The following ASB6 variants were observed in gnomAD, a reference collection of about 807,000 sequenced individuals.
ASB6 encodes the protein ankyrin repeat and SOCS box containing 6.
Under a neutral mutation model 28.6 loss-of-function variants are expected in ASB6, and 24 were observed. The observed-to-expected ratio is 0.84, with a 90% CI of 0.61 to 1.18. ASB6 has a LOEUF of 1.18. Ranked by LOEUF, ASB6 falls within the 50% of genes most tolerant of loss-of-function variation. The pLI is 0.00. For synonymous variants in ASB6, 267 were observed against 243.4 expected (o/e 1.10, Z -0.90); for missense variants, 519 against 559.8 (o/e 0.93, Z 0.74).
rs1040807067 is a variant in ASB6, at chr9:129,636,910, G to A, written c.*880C>T. 6 of 152,174 alleles carry A rather than the reference G, an allele frequency of 3.9e-5. No homozygotes were observed. The highest frequency in any genetic ancestry group is 1.4e-4 in the African/African-American group (6 of 41,416). The allele number at this position is 152,174 out of a possible 1,614,324, so 9.4% of individuals were successfully genotyped here. ...GACCTTGTTAAGGCCAAGAAAGTCA[G>A]TTTAATCTTATAATATAAATATATC... On this transcript the variant is annotated 3_prime_UTR_variant, in exon 6 of 6. Coordinates refer to ENST00000277458, the MANE Select transcript of ASB6 (RefSeq NM_017873.4).
At position 129,640,647 on chromosome 9, in the gene ASB6, G is replaced by A; in HGVS notation, c.189C>T (p.Pro63=). The A allele has an allele frequency of 6.2e-7, 1 of 1,614,144 alleles. No individual in the cohort carries two copies. Among genetic ancestry groups the A allele is most frequent in the Admixed American group, 1.7e-5 (1 of 60,022 alleles). The part of the protein sequence containing the change: ...TELLERKAHS[P]FYQEGVSNAL... ...CGTTGCTCACGCCTTCCTGGTAAAA[G>A]GGAGAGTGGGCTTTCCTCTCCAGCA... The change falls in exon 2 of 6, where the codon CCC becomes CCT. Residue 63 remains proline, a synonymous_variant. Transcript: ENST00000277458.
At chr9:129,640,489 C>T in intron 2 of ASB6, 52 bp downstream of exon 2, 1 of 1,562,250 alleles carries the variant, frequency 6.4e-7, no homozygotes, top group Admixed American at 2.0e-5. Context: ...GGCGCCCACC[C>T]AGCGTCGGGC....
Position 129,637,576 on chromosome 9 carries a change from TG to T in ASB6, c.*213del. 2.4e-6 allele frequency: 1 copy of T among 422,718 alleles called. No individual in the cohort carries two copies. The highest frequency in any genetic ancestry group is 4.1e-6 in the Non-Finnish European group (1 of 243,502). 26.2% of individuals were successfully genotyped at this position (422,718 alleles called of 1,614,324 possible). A position where few individuals can be genotyped will look rare whatever the true frequency, so the allele number is the denominator to read the frequency against. The stretch of plus-strand genomic sequence containing the variant: ...ACATGGGGGGGACTTGGAGTGCCGC[TG>T]GAGGGAAGGGGGCAGTCTCTCTGGA... On this transcript the variant is annotated 3_prime_UTR_variant, in exon 6 of 6. Transcript: ENST00000277458.
At chr9:129,639,702 C>T (rs895172229) in intron 2 of ASB6, among the ~76,000 whole-genome samples, 194 bp from the exon 3 acceptor site, 2 of 152,190 alleles carry the variant, frequency 1.3e-5, no homozygotes, top group African/African-American at 2.4e-5. Flanking sequence ...CTAGTGGGCA[C>T]GCTACTGAAG....
chr9:129,638,210 C>G lies in ASB6; in HGVS notation c.846G>C (p.Glu282Asp). The part of the protein sequence containing the change: ...LHFPLLRFLL[E>D]SGAAYNCSLH... ...GGGAGCAGTTGTAGGCGGCTCCGGACTCCAGGAGGAAGCGCAGGAGAGGGA... is the reference window on the plus strand; with the variant it reads ...GGGAGCAGTTGTAGGCGGCTCCGGAGTCCAGGAGGAAGCGCAGGAGAGGGA... The change falls in exon 6 of 6, where the codon GAG (glutamate) becomes GAC (aspartate). Residue 282 changes from glutamate (E) to aspartate (D), a missense_variant. Physicochemically the swap from Glu to Asp is conservative, Grantham distance 45. Coordinates refer to ENST00000277458, the MANE Select transcript of ASB6 (RefSeq NM_017873.4). 2.5e-6 allele frequency: 4 copies of G among 1,613,576 alleles called. No homozygotes were observed. Among genetic ancestry groups the G allele is most frequent in the Non-Finnish European group, 3.4e-6 (4 of 1,179,850 alleles).
In ASB6 at chr9:129,639,231, C is replaced by G. The variant is rs1365733815; in HGVS notation, c.482G>C (p.Gly161Ala). ...CTTGTCAGCGGCATTGACATCAGCT[C>G]CAAGGTCCAGGAGGCGCTGCAGGCA... ...LPCLQRLLDL[G>A]ADVNAADKHG... Residue 161 changes from glycine (G) to alanine (A), a missense_variant, in exon 4 of 6, where the codon GGA becomes GCA. By Grantham distance (60) the Gly-to-Ala change is moderately conservative. Coordinates refer to ENST00000277458, the MANE Select transcript of ASB6 (RefSeq NM_017873.4). The G allele has an allele frequency of 1.9e-6, 3 of 1,611,176 alleles. No homozygotes were observed. In the Admixed American group the frequency reaches 5.0e-5, roughly 27 times the overall value.
intron 2 of ASB6, 119 bp from the exon 3 acceptor site, chr9:129,639,627 C>T (rs1831644696): frequency 2.3e-6 from 2 of 858,934 alleles, no homozygotes; most frequent in African/African-American, 1.7e-5. Context: ...GGCCCAGCCT[C>T]CTGTCACCAT....
chr9:129,640,956 C>G (rs1291979022), intron 1 of ASB6: 1 of 529,192 alleles, frequency 1.9e-6, no homozygotes, highest in Admixed American at 3.8e-5. Flanking sequence ...GCGCTCTCCT[C>G]CCGCGTTGCC....
rs1385086567 is a variant in ASB6, at chr9:129,634,743, C to T, written c.*3047G>A. The T allele has an allele frequency of 3.7e-5, 8 of 217,352 alleles. No homozygotes were observed. The East Asian group carries it at 3.7e-4, about 10-fold the overall frequency. 13.5% of individuals were successfully genotyped at this position (217,352 alleles called of 1,614,324 possible). On this transcript the variant is annotated 3_prime_UTR_variant, in exon 6 of 6. Transcript: ENST00000277458. Reference sequence around the variant, plus strand: ...GTGGCGGCAGGCCGCTAGCAGCAGTCGGCCACCTCCTGAGGCGGGCAGCAC... The same window carrying T: ...GTGGCGGCAGGCCGCTAGCAGCAGTTGGCCACCTCCTGAGGCGGGCAGCAC...
rs1194194627 is a variant in ASB6 at position 129,635,401 on chromosome 9, C to T, written c.*2389G>A. 27 of 1,613,272 alleles carry T rather than the reference C, an allele frequency of 1.7e-5. No individual in the cohort carries two copies. In the Admixed American group the frequency reaches 2.5e-4, roughly 15 times the overall value. On this transcript the variant is annotated 3_prime_UTR_variant, in exon 6 of 6. Coordinates refer to ENST00000277458, the MANE Select transcript of ASB6 (RefSeq NM_017873.4). ...GCAGTGCAGGCCTCAGCCTCCTGGC[C>T]GAGGAGAGGCAGGAGAACCTCCCCG...
intron 1 of ASB6, chr9:129,641,107 C>T: frequency 8.7e-6 from 2 of 230,724 alleles, no homozygotes; most frequent in South Asian, 9.2e-5. Flanking sequence ...CTCAAACCCG[C>T]AGGACCCCAG....
rs1831549708 is a variant in ASB6 at position 129,636,328 on chromosome 9, T to A, written c.*1462A>T. The A allele has an allele frequency of 6.6e-6, 1 of 151,716 alleles. No individual in the cohort carries two copies. The highest frequency in any genetic ancestry group is 1.9e-4 in the East Asian group (1 of 5,140). 9.4% of individuals were successfully genotyped at this position (151,716 alleles called of 1,614,324 possible). On this transcript the variant is annotated 3_prime_UTR_variant, in exon 6 of 6. Coordinates refer to ENST00000277458, the MANE Select transcript of ASB6 (RefSeq NM_017873.4). ...ATGGGGTGAGCCCGGGAGGCAGAGC[T>A]TGCAGTGAGGTGAGATTGCGCCACT... is the stretch of plus-strand genomic sequence containing the variant.
chr9:129,638,146 A>G lies in ASB6; in HGVS notation c.910T>C (p.Phe304Leu), dbSNP rs1201032637. The G allele has an allele frequency of 6.2e-7, 1 of 1,614,084 alleles. No individual in the cohort carries two copies. ...ASCWSGFHII[F>L]ERLCSHPGCT... ...CCTGGGTGGGAACAGAGCCTCTCAA[A>G]GATGATGTGAAAGCCAGACCAGCAG... The change falls in exon 6 of 6, where the codon TTT becomes CTT. Residue 304 changes from phenylalanine (F) to leucine (L), a missense_variant. Transcript: ENST00000277458.
chr9:129,635,542 C>T lies in ASB6; in HGVS notation c.*2248G>A, dbSNP rs1423258396. Reference sequence around the variant, plus strand: ...GCAGCTGGGCAAGATCCAGGCGCCACGCTGGCGGTTCGTGAGTGTCGAGGC... The same window carrying T: ...GCAGCTGGGCAAGATCCAGGCGCCATGCTGGCGGTTCGTGAGTGTCGAGGC... On this transcript the variant is annotated 3_prime_UTR_variant, in exon 6 of 6. Coordinates refer to ENST00000277458, the MANE Select transcript of ASB6 (RefSeq NM_017873.4). The T allele has an allele frequency of 1.1e-5, 16 of 1,507,524 alleles. No individual in the cohort carries two copies. Among genetic ancestry groups the T allele is most frequent in the South Asian group, 3.8e-5 (3 of 79,894 alleles). The allele number at this position is 1,507,524 out of a possible 1,614,324, so 93.4% of individuals were successfully genotyped here.
rs992933959 is a variant in ASB6 at position 129,636,797 on chromosome 9, C to T, written c.*993G>A. ...AAACAACCCCCCAAACACAGCATCC[C>T]CTCACACCTGCCACCCACTTCCTTA... On this transcript the variant is annotated 3_prime_UTR_variant, in exon 6 of 6. Transcript: ENST00000277458. 6 of 152,272 alleles carry T rather than the reference C, an allele frequency of 3.9e-5. No homozygotes were observed. Among genetic ancestry groups the T allele is most frequent in the African/African-American group, 1.4e-4 (6 of 41,430 alleles). 9.4% of individuals were successfully genotyped at this position (152,272 alleles called of 1,614,324 possible). A position where few individuals can be genotyped will look rare whatever the true frequency, so the allele number is the denominator to read the frequency against.
Position 129,638,578 on chromosome 9 carries a change from T to C in ASB6, c.593A>G (p.Glu198Gly). Residue 198 changes from glutamate (E) to glycine (G), a missense_variant, in exon 5 of 6, where the codon GAA (glutamate) becomes GGA (glycine). Physicochemically the swap from Glu to Gly is moderately conservative, Grantham distance 98. Transcript: ENST00000277458. Reference protein sequence around the residue: ...HNTENIRLLLEGGADVKATTK... With the variant: ...HNTENIRLLLGGGADVKATTK... ...TAGGAGCGCGCCAGCCTCACCTCCT[T>C]CCAGTAAGAGACGAATGTTCTCAGT... 6.2e-7 allele frequency: 1 copy of C among 1,613,976 alleles called. No homozygotes were observed. The highest frequency in any genetic ancestry group is 8.5e-7 in the Non-Finnish European group (1 of 1,179,942).
rs995430414 is a variant in ASB6 at position 129,635,810 on chromosome 9, G to A, written c.*1980C>T. 1.6e-5 allele frequency: 4 copies of A among 248,166 alleles called. No individual in the cohort carries two copies. The highest frequency in any genetic ancestry group is 2.5e-3 in the Middle Eastern group (2 of 814). The allele number at this position is 248,166 out of a possible 1,614,324, so 15.4% of individuals were successfully genotyped here. ...CTCCAGCCCGGCCTTCCAGCCATGG[G>A]CCTGGCTGCCTGAAGAGGAAGGAAA... On this transcript the variant is annotated 3_prime_UTR_variant, in exon 6 of 6. Coordinates refer to ENST00000277458, the MANE Select transcript of ASB6 (RefSeq NM_017873.4).
chr9:129,640,353 G>C, intron 2 of ASB6, 188 bp downstream of exon 2: 3 of 679,832 alleles, frequency 4.4e-6, no homozygotes, highest in Non-Finnish European at 2.3e-6. Context: ...GGTGGGAAGA[G>C]CCATGTGAAA....
chr9:129,640,534 C>T lies in ASB6; in HGVS notation c.295+7G>A, dbSNP rs555365726. ...GCCACCTGCCCACCCCCGGGGCTCT[C>T]GCTGACCTTCAAAGTTGAGATTGGC... On this transcript the variant is annotated splice_region_variant and intron_variant, in intron 2 of 5. Coordinates refer to ENST00000277458, the MANE Select transcript of ASB6 (RefSeq NM_017873.4). 9 of 1,603,448 alleles carry T rather than the reference C, an allele frequency of 5.6e-6. No individual in the cohort carries two copies. In the South Asian group the frequency reaches 1.0e-4, roughly 18 times the overall value.
Sources: gnomAD v4.1 joint callset for allele counts (sites outside exome capture counted in the v4.1 genomes callset) on GRCh38, gnomAD v4.1.1 for gene constraint, MANE v1.5 for transcripts, NCBI Gene and HGNC (gene_info 2026-07-23, HGNC 2026-07-21) for gene names.